Variants in FHIT observed in about 807,000 individuals in gnomAD.
The protein encoded by FHIT is bis(5'-adenosyl)-triphosphatase.
FHIT carries 19 observed loss-of-function variants against 17.9 expected under a neutral mutation model. The ratio of observed to expected loss-of-function variants is 1.06; its 90% CI spans 0.74 to 1.56. The LOEUF (loss-of-function observed/expected upper bound fraction) is 1.56, where lower values mean the gene tolerates loss of function less well. Among genes scored for constraint, FHIT ranks in the 40% most tolerant of loss-of-function variants. FHIT has a pLI of 0.00. For missense variants in FHIT, 248 were observed against 189.2 expected, an observed-to-expected ratio of 1.31 and a Z score of -1.82; for synonymous variants, 81 against 69.7, an observed-to-expected ratio of 1.16 and a Z score of -0.81.
chr3:61,006,505 C>T (rs2031458062), intron 3 of FHIT, among the ~76,000 whole-genome samples: 1 of 151,430 alleles, frequency 6.6e-6, no homozygotes, highest in South Asian at 2.1e-4. Flanking sequence ...TGTAATGAGA[C>T]ATTACCAACT....
chr3:60,564,212 G>A (rs1033728781), intron 4 of FHIT, among the ~76,000 whole-genome samples: 1 of 152,132 alleles, frequency 6.6e-6, no homozygotes, highest in African/African-American at 2.4e-5. Flanking sequence ...ACATCTGTCT[G>A]TTGCATGATT....
intron 5 of FHIT, among the ~76,000 whole-genome samples, chr3:60,059,205 A>T (rs900146155): frequency 1.3e-5 from 2 of 152,342 alleles, no homozygotes; most frequent in East Asian, 3.9e-4. Context: ...AAACACCTGT[A>T]ACTGGTAATC....
chr3:60,595,247 C>A (rs374672517), intron 4 of FHIT, among the ~76,000 whole-genome samples: 2 of 151,980 alleles, frequency 1.3e-5, no homozygotes, highest in African/African-American at 4.8e-5. Flanking sequence ...ATTCAGGGGT[C>A]AGAGTGGCAG....
intron 5 of FHIT, among the ~76,000 whole-genome samples, chr3:60,019,415 CTTTT>C (rs1281567026): frequency 4.1e-5 from 5 of 121,094 alleles, no homozygotes; most frequent in African/African-American, 9.2e-5. Context: ...TGAGATGCTC[CTTTT>C]TTTTTTTTTT....
At chr3:60,720,606 A>G (rs1230104038) in intron 4 of FHIT, among the ~76,000 whole-genome samples, 2 of 152,170 alleles carry the variant, frequency 1.3e-5, no homozygotes, top group Non-Finnish European at 2.9e-5. Flanking sequence ...ACACTTCTCA[A>G]TGTCCAGGCT....
intron 4 of FHIT, among the ~76,000 whole-genome samples, chr3:60,653,457 A>C (rs2040043518): frequency 6.6e-6 from 1 of 152,056 alleles, no homozygotes. Context: ...ATAGATGAAC[A>C]ATTCAGGAGG....
At chr3:59,889,399 A>G (rs1379471018) in intron 8 of FHIT, among the ~76,000 whole-genome samples, 1 of 152,224 alleles carries the variant, frequency 6.6e-6, no homozygotes, top group Non-Finnish European at 1.5e-5. Context: ...ATCTCTAATC[A>G]TAATTCTAGC....
intron 5 of FHIT, among the ~76,000 whole-genome samples, chr3:60,072,141 G>A (rs1028432553): frequency 4.6e-5 from 7 of 152,206 alleles, no homozygotes; most frequent in Non-Finnish European, 8.8e-5. Flanking sequence ...GAAACCAAGA[G>A]TGTTACCAAG....
At chr3:60,282,390 A>G (rs1201704260) in intron 5 of FHIT, among the ~76,000 whole-genome samples, 1 of 152,188 alleles carries the variant, frequency 6.6e-6, no homozygotes, top group African/African-American at 2.4e-5. Context: ...CATTATGGAA[A>G]AGGGAAAACT....
At chr3:61,001,408 A>G (rs950747237) in intron 3 of FHIT, among the ~76,000 whole-genome samples, 7 of 152,224 alleles carry the variant, frequency 4.6e-5, no homozygotes, top group Non-Finnish European at 1.0e-4. Context: ...AAAATTATCC[A>G]AATATCCTTC....
Position 59,792,871 on chromosome 3 carries a change from T to TGG in FHIT, c.349-40551_349-40550insCC, listed in dbSNP as rs1559610654. ...CCTTTAGTTTGGAGGTCCTTATTTT[T>TGG]TGGGGGGGGGGGTCATGAACCTCCT... On this transcript the variant is annotated intron_variant, in intron 8 of 9. Transcript: ENST00000492590. Among the ~76,000 whole-genome samples the TGG allele has an allele frequency of 4.8e-4, 57 of 118,914 alleles. 1 individual carries two copies. The highest frequency in any genetic ancestry group is 1.7e-3 in the African/African-American group (48 of 28,290). The allele number at this position is 118,914 out of a possible 152,430, so 78.0% of individuals were successfully genotyped here.
chr3:60,524,740 T>C (rs1488854346), intron 5 of FHIT, among the ~76,000 whole-genome samples: 3 of 152,220 alleles, frequency 2.0e-5, no homozygotes, highest in Non-Finnish European at 4.4e-5. Context: ...CACGATCATG[T>C]TGTGTCCTCC....
At chr3:60,183,337 G>A (rs1702023016) in intron 5 of FHIT, among the ~76,000 whole-genome samples, 1 of 152,178 alleles carries the variant, frequency 6.6e-6, no homozygotes, top group Non-Finnish European at 1.5e-5. Flanking sequence ...GGCAGAGGTT[G>A]CAGTGAGCTG....
chr3:60,656,577 A>G (rs2040121334), intron 4 of FHIT, among the ~76,000 whole-genome samples: 1 of 152,148 alleles, frequency 6.6e-6, no homozygotes, highest in South Asian at 2.1e-4. Flanking sequence ...CAAGCGCTCA[A>G]TACGTGAAAT....
intron 4 of FHIT, among the ~76,000 whole-genome samples, chr3:60,723,251 G>T (rs1553708571): frequency 6.6e-6 from 1 of 152,128 alleles, no homozygotes; most frequent in East Asian, 1.9e-4. Flanking sequence ...TATTCATTGT[G>T]CAGAAAAGAG....
chr3:60,375,124 A>C (rs2687160), intron 5 of FHIT, among the ~76,000 whole-genome samples: 4,194 of 151,632 alleles, frequency 0.028, 207 homozygotes, highest in African/African-American at 0.094. Flanking sequence ...AAACAAAAAC[A>C]AAAAACAAAA....
chr3:61,036,305 T>C (rs891641247), intron 3 of FHIT, among the ~76,000 whole-genome samples: 11 of 151,702 alleles, frequency 7.3e-5, no homozygotes, highest in East Asian at 1.9e-4. Flanking sequence ...AAGCTATTCA[T>C]GAGGGATCAG....
chr3:60,683,355 T>C (rs2040793900), intron 4 of FHIT, among the ~76,000 whole-genome samples: 1 of 152,144 alleles, frequency 6.6e-6, no homozygotes, highest in Non-Finnish European at 1.5e-5. Context: ...TTTACTGTTT[T>C]CTTACTTTAA....
chr3:60,093,821 G>A (rs576306221), intron 5 of FHIT, among the ~76,000 whole-genome samples: 10 of 152,322 alleles, frequency 6.6e-5, no homozygotes, highest in South Asian at 2.1e-4. Context: ...GGGTCTGTGG[G>A]AAAATTGTCT....
Sources: allele counts gnomAD v4.1 joint callset (sites outside exome capture counted in the v4.1 genomes callset), GRCh38; gene constraint gnomAD v4.1.1; transcripts MANE v1.5; gene names NCBI Gene and HGNC (gene_info 2026-07-23, HGNC 2026-07-21).